Variants in DNAJC7 observed in about 807,000 individuals in gnomAD.
DNAJC7 encodes dnaJ homolog subfamily C member 7.
In DNAJC7, 18 loss-of-function variants were observed where a neutral mutation model predicts 67.4. The observed-to-expected ratio is 0.27, with a 90% confidence interval of 0.18 to 0.40. The LOEUF (loss-of-function observed/expected upper bound fraction) is 0.40, where lower values mean the gene tolerates loss of function less well. DNAJC7 is among the 10% of genes least tolerant of loss of function. The probability of loss-of-function intolerance (pLI) is 1.00; values close to 1 mark genes in which losing one functional copy is unlikely to be tolerated. For synonymous variants in DNAJC7, 220 were observed against 207.8 expected (o/e 1.06, Z -0.50); for missense variants, 419 against 613.8 (o/e 0.68, Z 3.35).
intron 7 of DNAJC7, among the ~76,000 whole-genome samples, chr17:41,989,132 C>G (rs1006572903): frequency 2.0e-5 from 3 of 152,168 alleles, no homozygotes; most frequent in Non-Finnish European, 4.4e-5. Flanking sequence ...CTTCACTTCT[C>G]AGGACAAGTA....
chr17:42,014,249 C>A (rs2052200974), intron 1 of DNAJC7: 1 of 151,476 alleles, frequency 6.6e-6, no homozygotes, highest in Non-Finnish European at 1.5e-5. Context: ...CTCACTGCAA[C>A]CTCCGCCTCC....
In DNAJC7 at chr17:41,976,779, GA is replaced by G. The variant is rs782506550; in HGVS notation, c.1448-10del. On this transcript the variant is annotated splice_polypyrimidine_tract_variant and intron_variant, in intron 13 of 13. Coordinates refer to ENST00000457167, the MANE Select transcript of DNAJC7 (RefSeq NM_003315.4). Reference sequence around the variant, plus strand: ...ATTCCCTGGACCAGATGCTGAAAGAGAAAAGAGGGGTTGGTAGTTGGCTATG... The same window carrying G: ...ATTCCCTGGACCAGATGCTGAAAGAGAAAGAGGGGTTGGTAGTTGGCTATG... 3 of 1,609,708 alleles carry G rather than the reference GA, an allele frequency of 1.9e-6. No homozygotes were observed. The highest frequency in any genetic ancestry group is 2.2e-5 in the South Asian group (2 of 90,820).
chr17:41,984,651 A>G (rs2051332445), intron 9 of DNAJC7: 1 of 151,896 alleles, frequency 6.6e-6, no homozygotes, highest in South Asian at 2.1e-4. Flanking sequence ...AGCAAGTGGC[A>G]TTTTCCATGC....
intron 1 of DNAJC7, among the ~76,000 whole-genome samples, chr17:42,012,555 C>G (rs1464628250): frequency 1.3e-5 from 2 of 152,160 alleles, no homozygotes; most frequent in Non-Finnish European, 2.9e-5. Flanking sequence ...AAGCTGTTTC[C>G]CAGCCCAGGA....
At chr17:42,003,003 T>C (rs1160257791) in intron 1 of DNAJC7, among the ~76,000 whole-genome samples, 3 of 152,176 alleles carry the variant, frequency 2.0e-5, no homozygotes, top group Non-Finnish European at 4.4e-5. Context: ...ATGCATTTCA[T>C]TTTAGTAAAT....
intron 9 of DNAJC7, among the ~76,000 whole-genome samples, chr17:41,986,780 T>A: frequency 6.6e-6 from 1 of 152,086 alleles, no homozygotes; most frequent in East Asian, 1.9e-4. Flanking sequence ...AATTCACTTT[T>A]AAAAAAAGCA....
chr17:41,981,967 C>T lies in DNAJC7; in HGVS notation c.1272G>A (p.Glu424=), dbSNP rs782223426. 2.5e-6 allele frequency: 4 copies of T among 1,613,998 alleles called. No homozygotes were observed. The African/African-American group carries it at 4.0e-5, about 16-fold the overall frequency. The part of the protein sequence containing the change: ...SGASAEVQKE[E]EKKFKEVGEA... ...CTCCAACTTCCTTGAACTTCTTCTC[C>T]TCCTCCTTCTGAACCTCAGCACTGG... Residue 424 remains glutamate, a synonymous_variant, in exon 12 of 14, where the codon GAG becomes GAA. Coordinates refer to ENST00000457167, the MANE Select transcript of DNAJC7 (RefSeq NM_003315.4).
chr17:41,982,227 C>T (rs1555646083), intron 11 of DNAJC7, 28 bp downstream of exon 11: 1 of 1,613,084 alleles, frequency 6.2e-7, no homozygotes, highest in African/African-American at 1.3e-5. Context: ...GTTCTTCCCA[C>T]TGAGCCCACT....
intron 1 of DNAJC7, among the ~76,000 whole-genome samples, chr17:42,012,161 T>C (rs1555651110): frequency 6.6e-6 from 1 of 152,258 alleles, no homozygotes; most frequent in Non-Finnish European, 1.5e-5. Flanking sequence ...ACTAGGTATA[T>C]GCTGAGACAC....
intron 12 of DNAJC7, among the ~76,000 whole-genome samples, chr17:41,980,280 C>T (rs536447801): frequency 8.0e-4 from 122 of 152,174 alleles, no homozygotes; most frequent in African/African-American, 2.6e-3. Flanking sequence ...AATCTCTTGA[C>T]CTTGTGGTCC....
chr17:42,001,458 G>T (rs781989153), intron 1 of DNAJC7, among the ~76,000 whole-genome samples: 10 of 152,280 alleles, frequency 6.6e-5, no homozygotes, highest in Non-Finnish European at 8.8e-5. Flanking sequence ...CAAGTACCTA[G>T]AATCAAATCA....
intron 12 of DNAJC7, among the ~76,000 whole-genome samples, chr17:41,981,190 TTTC>T (rs1298717752): frequency 5.9e-5 from 9 of 151,790 alleles, no homozygotes; most frequent in African/African-American, 1.2e-4. Flanking sequence ...TTCTTTTTTC[TTTC>T]TTCTTATTAT....
intron 1 of DNAJC7, among the ~76,000 whole-genome samples, chr17:42,009,041 T>C (rs527445014): frequency 2.4e-4 from 36 of 152,300 alleles, no homozygotes; most frequent in African/African-American, 8.2e-4. Flanking sequence ...ATTCTATAAA[T>C]ATGGCAAGGT....
rs551097996 is a variant in DNAJC7, at chr17:41,976,612, G to C, written c.*121C>G. Reference sequence around the variant, plus strand: ...TCACAGAGACACAGGGCATCCAACTGAGAAAACGAAACTGCTCTAAGCACA... The same window carrying C: ...TCACAGAGACACAGGGCATCCAACTCAGAAAACGAAACTGCTCTAAGCACA... On this transcript the variant is annotated 3_prime_UTR_variant, in exon 14 of 14. Transcript: ENST00000457167. 1.6e-4 allele frequency: 210 copies of C among 1,334,538 alleles called. No homozygotes were observed. The African/African-American group carries it at 3.0e-3, about 19-fold the overall frequency. The allele number at this position is 1,334,538 out of a possible 1,614,324, so 82.7% of individuals were successfully genotyped here. A position where few individuals can be genotyped will look rare whatever the true frequency, so the allele number is the denominator to read the frequency against.
intron 1 of DNAJC7, among the ~76,000 whole-genome samples, chr17:42,010,028 G>C (rs964532847): frequency 1.3e-5 from 2 of 152,200 alleles, no homozygotes; most frequent in Non-Finnish European, 2.9e-5. Context: ...TGTAGTCCCA[G>C]CTACTCAGGA....
intron 1 of DNAJC7, chr17:42,015,827 C>A (rs2052262347): frequency 6.6e-6 from 1 of 152,162 alleles, no homozygotes; most frequent in Admixed American, 6.5e-5. Context: ...ACACTCCAGC[C>A]TGGGCGACAG....
At chr17:41,986,052 A>AAAAAAAAAAAAAAAG in intron 9 of DNAJC7, 1 of 119,042 alleles carries the variant, frequency 8.4e-6, no homozygotes, top group Non-Finnish European at 1.7e-5. Context: ...TTGCTTAAAA[A>AAAAAAAAAAAAAAAG]AAAAAAAAAA....
chr17:42,003,552 G>A (rs1555649732), intron 1 of DNAJC7: 1 of 152,216 alleles, frequency 6.6e-6, no homozygotes, highest in African/African-American at 2.4e-5. Flanking sequence ...TGTCAAAGGC[G>A]TGGGACTGGA....
chr17:41,997,737 G>A (rs952717051), intron 2 of DNAJC7, among the ~76,000 whole-genome samples: 1 of 152,220 alleles, frequency 6.6e-6, no homozygotes, highest in Non-Finnish European at 1.5e-5. Flanking sequence ...CTACAGTGCT[G>A]TGGTGCTATC....
Sources: gnomAD v4.1 joint callset for allele counts (sites outside exome capture counted in the v4.1 genomes callset) on GRCh38, gnomAD v4.1.1 for gene constraint, MANE v1.5 for transcripts, NCBI Gene and HGNC (gene_info 2026-07-23, HGNC 2026-07-21) for gene names.